Variants in FSTL4 observed in about 807,000 individuals in gnomAD.
The protein encoded by FSTL4 is follistatin like 4, also known as follistatin-related protein 4.
In FSTL4, 28 loss-of-function variants were observed where a neutral mutation model predicts 78.2. The observed-to-expected ratio is 0.36, with a 90% CI of 0.27 to 0.49. The LOEUF (loss-of-function observed/expected upper bound fraction) is 0.49. FSTL4 is among the 20% of genes least tolerant of loss of function. The pLI, the probability that FSTL4 is intolerant of heterozygous loss-of-function variation, is 0.98. For synonymous variants in FSTL4, 422 were observed against 440.5 expected, an observed-to-expected ratio of 0.96 and a Z score of 0.53; for missense variants, 922 against 1,084.9, an observed-to-expected ratio of 0.85 and a Z score of 2.11.
chr5:133,454,896 TC>T (rs1334328039), intron 3 of FSTL4, among the ~76,000 whole-genome samples: 1 of 152,234 alleles, frequency 6.6e-6, no homozygotes, highest in African/African-American at 2.4e-5. Context: ...CACAGGGGTC[TC>T]CTCATGGCAT....
the FSTL4 span, among the ~76,000 whole-genome samples, chr5:133,720,037 T>G: frequency 6.6e-6 from 1 of 152,210 alleles, no homozygotes; most frequent in Non-Finnish European, 1.5e-5. Context: ...GATTTCTAAT[T>G]TAAGTTTAAT....
chr5:133,513,022 T>C (rs1198814305), intron 3 of FSTL4, among the ~76,000 whole-genome samples: 2 of 152,140 alleles, frequency 1.3e-5, no homozygotes, highest in African/African-American at 4.8e-5. Context: ...GGTTTCCCCA[T>C]GTTGGCCAGG....
intron 3 of FSTL4, among the ~76,000 whole-genome samples, chr5:133,556,791 C>T (rs1376081897): frequency 6.6e-6 from 1 of 152,124 alleles, no homozygotes; most frequent in Non-Finnish European, 1.5e-5. Context: ...TCCACCAACC[C>T]CTTCCCAAGA....
At chr5:133,681,651 G>A in the FSTL4 span, among the ~76,000 whole-genome samples, 24,007 of 152,178 alleles carry the variant, frequency 0.16, 4,940 homozygotes, top group African/African-American at 0.48. Context: ...ATTACAAAAT[G>A]TGATTTTAGA....
At chr5:133,389,422 T>A (rs1181891158) in intron 4 of FSTL4, among the ~76,000 whole-genome samples, 2 of 152,160 alleles carry the variant, frequency 1.3e-5, no homozygotes, top group Admixed American at 1.3e-4. Flanking sequence ...GAGACGCCCT[T>A]GAAAATCTGG....
At chr5:133,378,952 C>A (rs1755506003) in intron 4 of FSTL4, among the ~76,000 whole-genome samples, 1 of 152,008 alleles carries the variant, frequency 6.6e-6, no homozygotes, top group African/African-American at 2.4e-5. Context: ...ATGAATTAAG[C>A]AATCCAATCA....
chr5:133,245,304 A>G (rs1386731565), intron 7 of FSTL4, among the ~76,000 whole-genome samples: 1 of 151,758 alleles, frequency 6.6e-6, no homozygotes, highest in Admixed American at 6.6e-5. Flanking sequence ...TCACTTCTGG[A>G]CCCTCTGTTA....
the FSTL4 span, among the ~76,000 whole-genome samples, chr5:133,717,522 A>G: frequency 9.8e-4 from 150 of 152,318 alleles, no homozygotes; most frequent in Non-Finnish European, 1.9e-3. Context: ...AGCAACTGCA[A>G]TCAAAATATA....
At chr5:133,817,412 C>T in the FSTL4 span, among the ~76,000 whole-genome samples, 1 of 151,602 alleles carries the variant, frequency 6.6e-6, no homozygotes, top group East Asian at 1.9e-4. Context: ...TAGTGAATTG[C>T]TTACCAGGTG....
intron 7 of FSTL4, chr5:133,247,797 C>T (rs1752086915): frequency 1.3e-5 from 2 of 152,250 alleles, no homozygotes; most frequent in South Asian, 4.1e-4. Flanking sequence ...GAAAACAATC[C>T]TGTCCAGTGT....
the FSTL4 span, among the ~76,000 whole-genome samples, chr5:133,797,525 C>T: frequency 6.6e-6 from 1 of 152,166 alleles, no homozygotes; most frequent in Non-Finnish European, 1.5e-5. Context: ...TAATGCTGGT[C>T]AGTTGTGCCT....
At chr5:133,708,434 C>A in the FSTL4 span, among the ~76,000 whole-genome samples, 5 of 152,174 alleles carry the variant, frequency 3.3e-5, no homozygotes, top group Non-Finnish European at 7.3e-5. Flanking sequence ...CTGACCTTCA[C>A]TATGTGACCT....
At chr5:133,306,875 G>A (rs1008039738) in intron 6 of FSTL4, among the ~76,000 whole-genome samples, 9 of 152,148 alleles carry the variant, frequency 5.9e-5, no homozygotes, top group Non-Finnish European at 1.3e-4. Flanking sequence ...GGACAACAAT[G>A]GCATGGCACA....
At chr5:133,519,316 T>C (rs1758927200) in intron 3 of FSTL4, among the ~76,000 whole-genome samples, 1 of 152,226 alleles carries the variant, frequency 6.6e-6, no homozygotes, top group East Asian at 1.9e-4. Context: ...ACTGACTAAT[T>C]GGGCACTAGA....
At chr5:133,644,738 C>A in the FSTL4 span, among the ~76,000 whole-genome samples, 1 of 152,138 alleles carries the variant, frequency 6.6e-6, no homozygotes, top group African/African-American at 2.4e-5. Flanking sequence ...TCCCCCAGAC[C>A]CATACCCTGC....
intron 3 of FSTL4, among the ~76,000 whole-genome samples, chr5:133,420,735 C>T (rs915785440): frequency 1.3e-5 from 2 of 152,222 alleles, no homozygotes; most frequent in South Asian, 2.1e-4. Flanking sequence ...GCTGGTGGGC[C>T]CTCTGTTCAT....
chr5:133,687,693 T>C, the FSTL4 span, among the ~76,000 whole-genome samples: 1 of 152,226 alleles, frequency 6.6e-6, no homozygotes, highest in Non-Finnish European at 1.5e-5. Context: ...AATGCATACA[T>C]TCAACTTTCA....
At chr5:133,530,949 A>G (rs1338364872) in intron 3 of FSTL4, among the ~76,000 whole-genome samples, 1 of 152,190 alleles carries the variant, frequency 6.6e-6, no homozygotes, top group East Asian at 1.9e-4. Flanking sequence ...CCAGTGCCAA[A>G]TGCTGCGCAA....
At chr5:133,463,360 T>C (rs1294487032) in intron 3 of FSTL4, among the ~76,000 whole-genome samples, 2 of 152,164 alleles carry the variant, frequency 1.3e-5, no homozygotes, top group South Asian at 2.1e-4. Flanking sequence ...TCTAATCAAG[T>C]TCCCCACCCC....
Sources: gnomAD v4.1 joint callset for allele counts (sites outside exome capture counted in the v4.1 genomes callset) on GRCh38, gnomAD v4.1.1 for gene constraint, MANE v1.5 for transcripts, NCBI Gene and HGNC (gene_info 2026-07-23, HGNC 2026-07-21) for gene names.